Variants in IQSEC1 observed in about 807,000 individuals in gnomAD.
IQSEC1 encodes the protein IQ motif and Sec7 domain ArfGEF 1.
A neutral mutation model predicts 91.0 loss-of-function variants in IQSEC1; 31 were observed. The observed-to-expected ratio is 0.34, with a 90% CI of 0.26 to 0.46. IQSEC1 has a LOEUF of 0.46. Among genes scored for constraint, IQSEC1 ranks in the 20% least tolerant of loss-of-function variants. The pLI is 1.00. For missense variants in IQSEC1, 1,388 were observed against 1,575.6 expected, an observed-to-expected ratio of 0.88 and a Z score of 2.02; for synonymous variants, 699 against 662.6, an observed-to-expected ratio of 1.05 and a Z score of -0.84.
rs146041408 is a variant in IQSEC1, at chr3:12,998,787, C to T, written c.24-56922G>A. On this transcript the variant is annotated intron_variant, in intron 1 of 13. Transcript: ENST00000613206. ...CCTGGGGAAGGTTCTGGGTGATGAC[C>T]GAGGGTGAACTGTGGAGACAGTGGG... Among the ~76,000 whole-genome samples the T allele has an allele frequency of 1.1e-3, 169 of 151,952 alleles. 1 individual carries two copies. Among genetic ancestry groups the T allele is most frequent in the African/African-American group, 3.6e-3 (151 of 41,432 alleles).
intron 1 of IQSEC1, among the ~76,000 whole-genome samples, chr3:13,226,368 G>T (rs1458513677): frequency 6.6e-6 from 1 of 152,104 alleles, no homozygotes; most frequent in Non-Finnish European, 1.5e-5. Flanking sequence ...ATCCACCTCA[G>T]ATCATTGTTC....
At chr3:13,117,339 C>A (rs1174189803) in intron 2 of IQSEC1, among the ~76,000 whole-genome samples, 4 of 149,960 alleles carry the variant, frequency 2.7e-5, no homozygotes, top group African/African-American at 9.9e-5. Flanking sequence ...GTAATCCCAG[C>A]ACTTTGGGAG....
At chr3:13,079,388 C>T (rs924659757) in intron 2 of IQSEC1, among the ~76,000 whole-genome samples, 2 of 152,256 alleles carry the variant, frequency 1.3e-5, no homozygotes, top group Non-Finnish European at 2.9e-5. Context: ...AGGAAGGGAG[C>T]AGCATGCCTT....
chr3:12,979,558 T>C lies in IQSEC1; in HGVS notation c.24-37693A>G, dbSNP rs1250481564. 6.6e-6 allele frequency among the ~76,000 whole-genome samples: 1 copy of C among 152,220 alleles called. No homozygotes were observed. Among genetic ancestry groups the C allele is most frequent in the East Asian group, 1.9e-4 (1 of 5,196 alleles). ...CAGCGGTTGTCTCTGGGGAGGGGAATGGGACGTGGAAGGGCGTGGCGCATA... is the reference window on the plus strand; with the variant it reads ...CAGCGGTTGTCTCTGGGGAGGGGAACGGGACGTGGAAGGGCGTGGCGCATA... On this transcript the variant is annotated intron_variant, in intron 1 of 13. Transcript: ENST00000613206. This position sits in a 1 kb window ranked among gnomAD's most constrained non-coding sequence, Gnocchi z 4.3.
At chr3:13,017,356 C>T (rs1164550365) in intron 1 of IQSEC1, among the ~76,000 whole-genome samples, 7 of 152,226 alleles carry the variant, frequency 4.6e-5, no homozygotes, top group Admixed American at 2.6e-4. Flanking sequence ...GGGTCTAGCC[C>T]GGGGCAGCAA....
intron 1 of IQSEC1, among the ~76,000 whole-genome samples, chr3:13,070,258 A>T (rs1705371135): frequency 6.6e-6 from 1 of 152,246 alleles, no homozygotes; most frequent in African/African-American, 2.4e-5. Flanking sequence ...GTGTGACCCC[A>T]GTCAAGTTCC....
At chr3:13,045,879 T>G (rs1638795573) in intron 1 of IQSEC1, among the ~76,000 whole-genome samples, 1 of 152,176 alleles carries the variant, frequency 6.6e-6, no homozygotes, top group South Asian at 2.1e-4. Context: ...TGAGAGTGTG[T>G]GTACCAGTGT....
At chr3:13,089,056 C>T (rs564461385) in intron 2 of IQSEC1, among the ~76,000 whole-genome samples, 2 of 152,208 alleles carry the variant, frequency 1.3e-5, no homozygotes, top group East Asian at 1.9e-4. Flanking sequence ...GGTGTGTAAC[C>T]GCTGGACATA....
chr3:13,060,880 A>G (rs1705042969), intron 1 of IQSEC1, among the ~76,000 whole-genome samples: 1 of 152,058 alleles, frequency 6.6e-6, no homozygotes. Context: ...TGATATCCAG[A>G]GTCTAAATCC....
chr3:13,158,985 T>C (rs1351264505), intron 2 of IQSEC1, among the ~76,000 whole-genome samples: 1 of 151,374 alleles, frequency 6.6e-6, no homozygotes, highest in East Asian at 2.0e-4. Flanking sequence ...TTCTTCTAAG[T>C]GTTAGAAGCA....
At chr3:12,902,248 C>T (rs1297421121) in intron 13 of IQSEC1, among the ~76,000 whole-genome samples, 1 of 152,084 alleles carries the variant, frequency 6.6e-6, no homozygotes, top group Admixed American at 6.5e-5. Context: ...CAAGACACTC[C>T]TCCTCCCACA....
At chr3:13,001,565 G>A (rs761089756) in intron 1 of IQSEC1, among the ~76,000 whole-genome samples, 7 of 152,230 alleles carry the variant, frequency 4.6e-5, no homozygotes, top group Non-Finnish European at 1.0e-4. Context: ...AGGGAGCAGA[G>A]CTCAGTTGGT....
intron 2 of IQSEC1, among the ~76,000 whole-genome samples, chr3:13,158,502 A>G (rs993390560): frequency 1.3e-5 from 2 of 152,168 alleles, no homozygotes; most frequent in African/African-American, 4.8e-5. Context: ...AGCTGAGTCA[A>G]TGCTGGTAAC....
At chr3:13,280,794 G>A (rs547152252) in intron 1 of IQSEC1, among the ~76,000 whole-genome samples, 4 of 152,350 alleles carry the variant, frequency 2.6e-5, no homozygotes, top group South Asian at 2.1e-4. Context: ...GACCTAGACC[G>A]TGGGCTGAGG....
At chr3:13,146,700 C>T (rs981959443) in intron 2 of IQSEC1, among the ~76,000 whole-genome samples, 3 of 152,130 alleles carry the variant, frequency 2.0e-5, no homozygotes, top group African/African-American at 4.8e-5. Context: ...ATTAGCCAGG[C>T]GTGATGGGGG....
chr3:13,127,993 CTG>C (rs1276708018), intron 2 of IQSEC1, among the ~76,000 whole-genome samples: 3 of 152,098 alleles, frequency 2.0e-5, no homozygotes. Context: ...TGCGTTGATT[CTG>C]TGTGTGTGTG....
chr3:13,144,889 T>C (rs1244972573), intron 2 of IQSEC1, among the ~76,000 whole-genome samples: 1 of 152,170 alleles, frequency 6.6e-6, no homozygotes, highest in Non-Finnish European at 1.5e-5. Context: ...TCCACAGGCT[T>C]TTGATGGCGA....
chr3:13,116,898 T>G (rs1706344589), intron 2 of IQSEC1, among the ~76,000 whole-genome samples: 1 of 152,026 alleles, frequency 6.6e-6, no homozygotes, highest in South Asian at 2.1e-4. Flanking sequence ...GAAAACACAG[T>G]GGTAAATCCT....
intron 1 of IQSEC1, among the ~76,000 whole-genome samples, chr3:12,964,789 T>C (rs750851351): frequency 2.1e-4 from 32 of 152,118 alleles, no homozygotes; most frequent in African/African-American, 7.7e-4. Flanking sequence ...TTCCACAGTA[T>C]GCAGAGTCCA....
Sources: allele counts gnomAD v4.1 joint callset (sites outside exome capture counted in the v4.1 genomes callset), GRCh38; gene constraint gnomAD v4.1.1; non-coding constraint Gnocchi (gnomAD v3.1); transcripts MANE v1.5; gene names NCBI Gene and HGNC (gene_info 2026-07-23, HGNC 2026-07-21).